Variants in PARP12 observed in about 807,000 individuals in gnomAD.
The protein encoded by PARP12 is protein mono-ADP-ribosyltransferase PARP12.
Under a neutral mutation model 72.4 loss-of-function variants are expected in PARP12, and 59 were observed. The ratio of observed to expected loss-of-function variants is 0.81; its 90% CI spans 0.66 to 1.01. The LOEUF (loss-of-function observed/expected upper bound fraction) is 1.01. Ranked by LOEUF, PARP12 falls within the 50% of genes least tolerant of loss-of-function variation. PARP12 has a pLI of 0.00. For synonymous variants in PARP12, 403 were observed against 371.4 expected (o/e 1.09, Z -0.98); for missense variants, 851 against 914.0 (o/e 0.93, Z 0.89).
At chr7:140,036,295 A>G (rs1030799748) in intron 7 of PARP12, among the ~76,000 whole-genome samples, 2 of 152,246 alleles carry the variant, frequency 1.3e-5, no homozygotes, top group African/African-American at 4.8e-5. Flanking sequence ...TGCTGTCAGC[A>G]GCAGTCAGAT....
chr7:140,026,579 C>A lies in PARP12; in HGVS notation c.1629-231G>T, dbSNP rs142074178. ...AAAACCCTCCCTCCACAGCTCCAGA[C>A]AGCAGCGGTTCCCTGGACTCCAAAA... On this transcript the variant is annotated intron_variant, in intron 10 of 11. Transcript: ENST00000263549. Among the ~76,000 whole-genome samples, 1,057 of 152,280 alleles carry A rather than the reference C, an allele frequency of 6.9e-3. 6 individuals are homozygous for A. Among genetic ancestry groups the A allele is most frequent in the African/African-American group, 0.024 (1,004 of 41,546 alleles).
intron 5 of PARP12, among the ~76,000 whole-genome samples, chr7:140,044,983 T>C (rs1256824183): frequency 6.6e-6 from 1 of 151,862 alleles, no homozygotes; most frequent in African/African-American, 2.4e-5. Flanking sequence ...TTCTAACCTC[T>C]AGGATTAAAA....
rs372104640 is a variant in PARP12, at chr7:140,050,222, CA to C, written c.863-3216del. Among the ~76,000 whole-genome samples, 30 of 152,262 alleles carry C rather than the reference CA, an allele frequency of 2.0e-4. 1 individual carries two copies. The highest frequency in any genetic ancestry group is 7.2e-4 in the African/African-American group (30 of 41,536). ...AAAAGATCTGGGGTCATCACAGATTCAGAGTCAGATGAAGCCAGGAGCAAGA... is the reference window on the plus strand; with the variant it reads ...AAAAGATCTGGGGTCATCACAGATTCGAGTCAGATGAAGCCAGGAGCAAGA... On this transcript the variant is annotated intron_variant, in intron 4 of 11. Transcript: ENST00000263549.
In PARP12 at chr7:140,062,809, C is replaced by T; in HGVS notation, c.39G>A (p.Val13=). 7.1e-7 allele frequency: 1 copy of T among 1,416,020 alleles called. No individual in the cohort carries two copies. Among genetic ancestry groups the T allele is most frequent in the Non-Finnish European group, 9.2e-7 (1 of 1,083,332 alleles). 87.7% of individuals were successfully genotyped at this position (1,416,020 alleles called of 1,614,324 possible). ...QAGVVGEVTQ[V]LCAAGGALEL... The stretch of plus-strand genomic sequence containing the variant: ...CCAGGGCGCCCCCGGCCGCGCACAG[C>T]ACCTGGGTGACCTCACCGACGACGC... Residue 13 remains valine, a synonymous_variant, in exon 1 of 12, where the codon GTG becomes GTA. Coordinates refer to ENST00000263549, the MANE Select transcript of PARP12 (RefSeq NM_022750.4).
chr7:140,041,534 A>AGAGC, intron 6 of PARP12, 110 bp downstream of exon 6: 1 of 1,098,468 alleles, frequency 9.1e-7, no homozygotes, highest in South Asian at 1.7e-5. Flanking sequence ...GCACCTGGGG[A>AGAGC]TCCTCAGCTC....
Position 140,057,083 on chromosome 7 carries a change from A to T in PARP12, c.533T>A (p.Leu178His). 2 of 1,614,162 alleles carry T rather than the reference A, an allele frequency of 1.2e-6. No homozygotes were observed. Among genetic ancestry groups the T allele is most frequent in the Non-Finnish European group, 1.7e-6 (2 of 1,180,036 alleles). The change falls in exon 3 of 12, where the codon CTC becomes CAC. Residue 178 changes from leucine (L) to histidine (H), a missense_variant. Coordinates refer to ENST00000263549, the MANE Select transcript of PARP12 (RefSeq NM_022750.4). ...SCAFQKQCIKLHICQYFLQGE... is the reference protein window; with the variant it reads ...SCAFQKQCIKHHICQYFLQGE... ...CTGTAAAAAATACTGGCAGATATGGAGCTTGATGCACTGCTTTTGAAAGGC... is the reference window on the plus strand; with the variant it reads ...CTGTAAAAAATACTGGCAGATATGGTGCTTGATGCACTGCTTTTGAAAGGC...
chr7:140,029,316 T>C (rs567814822), intron 8 of PARP12, among the ~76,000 whole-genome samples: 1 of 152,300 alleles, frequency 6.6e-6, no homozygotes, highest in East Asian at 1.9e-4. Flanking sequence ...TTCTAAAAAT[T>C]AAATAAAAGC....
chr7:140,033,721 C>T (rs182306623), intron 8 of PARP12: 3 of 989,964 alleles, frequency 3.0e-6, no homozygotes, highest in East Asian at 2.2e-4. Flanking sequence ...AGGCCACAGG[C>T]TAACCTGGTG....
At chr7:140,045,546 C>T (rs1455208429) in intron 5 of PARP12, among the ~76,000 whole-genome samples, 1 of 152,144 alleles carries the variant, frequency 6.6e-6, no homozygotes, top group African/African-American at 2.4e-5. Context: ...AAGGTTCTTT[C>T]ATTGTTTGAC....
At chr7:140,036,146 GT>G (rs1816188027) in intron 7 of PARP12, among the ~76,000 whole-genome samples, 1 of 152,192 alleles carries the variant, frequency 6.6e-6, no homozygotes, top group Non-Finnish European at 1.5e-5. Context: ...TAAACTGCAC[GT>G]GTGTGCTCTT....
intron 3 of PARP12, among the ~76,000 whole-genome samples, chr7:140,055,265 A>C (rs984846022): frequency 2.0e-5 from 3 of 152,238 alleles, no homozygotes; most frequent in African/African-American, 7.2e-5. Flanking sequence ...TATAGCAAAC[A>C]TTCATTAATG....
chr7:140,027,217 C>G (rs1490875241), intron 10 of PARP12, 59 bp downstream of exon 10: 28 of 1,578,338 alleles, frequency 1.8e-5, no homozygotes, highest in Non-Finnish European at 2.1e-5. Flanking sequence ...CATGTGGCAA[C>G]CAGCCAGTGG....
At position 140,041,839 on chromosome 7, in the gene PARP12, C is replaced by T. The variant is rs933485793; in HGVS notation, c.987G>A (p.Arg329=). The change falls in exon 6 of 12, where the codon AGG becomes AGA. Residue 329 remains arginine, a splice_region_variant and synonymous_variant. Coordinates refer to ENST00000263549, the MANE Select transcript of PARP12 (RefSeq NM_022750.4). The stretch of plus-strand genomic sequence containing the variant: ...TACTGGCTGACTCAGAGCACAGGAT[C>T]CTACAGAAGAAAAACAGCAGCAGAC... The part of the protein sequence containing the change: ...EEAYCNPKIE[R]ILCSESASTF... The T allele has an allele frequency of 6.2e-7, 1 of 1,607,660 alleles. No homozygotes were observed. The highest frequency in any genetic ancestry group is 1.1e-5 in the South Asian group (1 of 90,616).
chr7:140,050,121 G>A (rs1816902794), intron 4 of PARP12, among the ~76,000 whole-genome samples: 2 of 152,152 alleles, frequency 1.3e-5, no homozygotes, highest in South Asian at 2.1e-4. Flanking sequence ...AAACTATGGA[G>A]CAATGAGAAT....
At chr7:140,045,109 A>G (rs1400250590) in intron 5 of PARP12, among the ~76,000 whole-genome samples, 3 of 151,852 alleles carry the variant, frequency 2.0e-5, no homozygotes. Flanking sequence ...AGCTCACTGC[A>G]GCATCAAACT....
At chr7:140,039,321 C>A (rs1816357838) in intron 6 of PARP12, among the ~76,000 whole-genome samples, 1 of 152,220 alleles carries the variant, frequency 6.6e-6, no homozygotes, top group African/African-American at 2.4e-5. Flanking sequence ...GGAGAAGCAG[C>A]AGTCAGATGC....
At chr7:140,041,618 A>G (rs2116583065) in intron 6 of PARP12, 26 bp downstream of exon 6, 1 of 1,602,382 alleles carries the variant, frequency 6.2e-7, no homozygotes, top group Non-Finnish European at 8.5e-7. Context: ...AGGACAAAAC[A>G]TTCACCCTCT....
chr7:140,044,804 C>T (rs1816649351), intron 5 of PARP12, among the ~76,000 whole-genome samples: 4 of 152,108 alleles, frequency 2.6e-5, no homozygotes, highest in Admixed American at 2.6e-4. Flanking sequence ...TTCAGACTAA[C>T]AAAATACACA....
intron 11 of PARP12, 127 bp from the exon 12 acceptor site, chr7:140,025,012 C>T: frequency 2.5e-6 from 2 of 796,446 alleles, no homozygotes; most frequent in Non-Finnish European, 2.0e-6. Context: ...CATCTCCCTC[C>T]CTCCCTCTGT....
Sources: allele counts gnomAD v4.1 joint callset (sites outside exome capture counted in the v4.1 genomes callset), GRCh38; gene constraint gnomAD v4.1.1; transcripts MANE v1.5; gene names NCBI Gene and HGNC (gene_info 2026-07-23, HGNC 2026-07-21).